Variants in GBF1 observed in about 807,000 individuals in gnomAD.
The protein encoded by GBF1 is golgi brefeldin A resistant guanine nucleotide exchange factor 1, also known as Golgi-specific brefeldin A-resistance guanine nucleotide exchange factor 1.
In GBF1, 114 loss-of-function variants were observed where a neutral mutation model predicts 210.5. The observed-to-expected ratio is 0.54, with a 90% CI of 0.47 to 0.63. GBF1 has a LOEUF of 0.63. GBF1 is among the 30% of genes least tolerant of loss of function. GBF1 has a pLI of 0.00. For missense variants in GBF1, 1,851 were observed against 2,357.7 expected, an observed-to-expected ratio of 0.79 and a Z score of 4.45; for synonymous variants, 850 against 889.2, an observed-to-expected ratio of 0.96 and a Z score of 0.78.
At chr10:102,278,775 G>A (rs2075226240) in intron 3 of GBF1, among the ~76,000 whole-genome samples, 1 of 152,186 alleles carries the variant, frequency 6.6e-6, no homozygotes, top group African/African-American at 2.4e-5. Flanking sequence ...TTCAGGTGGT[G>A]TGTGTCTATC....
At chr10:102,231,681 C>T in the GBF1 span, 9 of 1,612,124 alleles carry the variant, frequency 5.6e-6, no homozygotes, top group South Asian at 1.1e-5. Flanking sequence ...TCGCCTCTAG[C>T]TCCTGTAGCT....
intron 4 of GBF1, among the ~76,000 whole-genome samples, chr10:102,346,908 G>A (rs2058613950): frequency 6.6e-6 from 1 of 152,114 alleles, no homozygotes; most frequent in East Asian, 1.9e-4. Flanking sequence ...ATTTGTAGGA[G>A]TTCTTTGTAT....
rs2059915697 is a variant in GBF1, at chr10:102,366,444, C to T, written c.2371C>T (p.Arg791Cys). 4 of 1,614,034 alleles carry T rather than the reference C, an allele frequency of 2.5e-6. No individual in the cohort carries two copies. Among genetic ancestry groups the T allele is most frequent in the Non-Finnish European group, 3.4e-6 (4 of 1,179,886 alleles). Reference sequence around the variant, plus strand: ...CCTCCGCCTCTACCTGGAAGCCTTCCGTTTGCCTGGGGAAGCACCAGTCAT... The same window carrying T: ...CCTCCGCCTCTACCTGGAAGCCTTCTGTTTGCCTGGGGAAGCACCAGTCAT... Reference protein sequence around the residue: ...EALRLYLEAFRLPGEAPVIQR... With the variant: ...EALRLYLEAFCLPGEAPVIQR... The change falls in exon 19 of 40, where the codon CGT (arginine) becomes TGT (cysteine). Residue 791 changes from arginine to cysteine, a missense_variant. By Grantham distance (180) the Arg-to-Cys change is radical. Transcript: ENST00000369983. This position sits in a 1 kb window ranked among gnomAD's most constrained non-coding sequence, Gnocchi z 4.0.
chr10:102,260,188 C>T (rs763714418), intron 3 of GBF1, 72 bp downstream of exon 3: 2 of 863,696 alleles, frequency 2.3e-6, no homozygotes, highest in Non-Finnish European at 3.9e-6. Flanking sequence ...AAAGGATAGA[C>T]AAACTTTTTG....
intron 3 of GBF1, among the ~76,000 whole-genome samples, chr10:102,314,539 A>G (rs537310661): frequency 1.3e-3 from 205 of 152,230 alleles, no homozygotes; most frequent in African/African-American, 4.8e-3. Context: ...CTACAATTTA[A>G]CTTCCTTAGC....
At chr10:102,303,307 T>A (rs902767134) in intron 3 of GBF1, among the ~76,000 whole-genome samples, 1 of 152,132 alleles carries the variant, frequency 6.6e-6, no homozygotes, top group Non-Finnish European at 1.5e-5. Flanking sequence ...GTATATGATA[T>A]GAGGTAGGGG....
At chr10:102,330,112 A>T (rs2057227111) in intron 3 of GBF1, among the ~76,000 whole-genome samples, 1 of 152,006 alleles carries the variant, frequency 6.6e-6, no homozygotes, top group Non-Finnish European at 1.5e-5. Context: ...CTCCAGCCTG[A>T]GCAACAGAGC....
intron 3 of GBF1, among the ~76,000 whole-genome samples, chr10:102,260,908 C>A (rs1288455721): frequency 6.6e-6 from 1 of 152,108 alleles, no homozygotes; most frequent in Non-Finnish European, 1.5e-5. Flanking sequence ...AATCATTTGT[C>A]CCTTTGTTTG....
intron 3 of GBF1, among the ~76,000 whole-genome samples, chr10:102,293,774 T>TTTTG: frequency 3.7e-5 from 1 of 26,784 alleles, no homozygotes; most frequent in African/African-American, 2.1e-4. Context: ...GTTTTGTGTT[T>TTTTG]TTTTTTTTTT....
At chr10:102,267,100 A>G (rs957656121) in intron 3 of GBF1, among the ~76,000 whole-genome samples, 2 of 152,348 alleles carry the variant, frequency 1.3e-5, no homozygotes, top group Middle Eastern at 3.4e-3. Context: ...TAGAAAAGAA[A>G]CTGTTTGAGA....
intron 17 of GBF1, 149 bp from the exon 18 acceptor site, chr10:102,365,248 T>C (rs1403587688): frequency 3.2e-6 from 2 of 623,506 alleles, no homozygotes; most frequent in Non-Finnish European, 5.7e-6. Context: ...AAGGCCATTA[T>C]GATCTAGCCT....
chr10:102,380,442 C>T (rs894381492), intron 37 of GBF1, 64 bp from the exon 38 acceptor site: 3 of 1,584,958 alleles, frequency 1.9e-6, no homozygotes, highest in Admixed American at 3.3e-5. Flanking sequence ...TGGTAGCTAC[C>T]TCCCTTTACC....
intron 3 of GBF1, among the ~76,000 whole-genome samples, chr10:102,321,840 G>C (rs2056426935): frequency 6.6e-6 from 1 of 152,136 alleles, no homozygotes; most frequent in South Asian, 2.1e-4. Flanking sequence ...AGGATTACAG[G>C]TGTGAGTGAG....
chr10:102,289,680 A>G (rs2076276379), intron 3 of GBF1, among the ~76,000 whole-genome samples: 1 of 152,206 alleles, frequency 6.6e-6, no homozygotes, highest in Non-Finnish European at 1.5e-5. Context: ...CATAACTGGG[A>G]AAATCCTTTG....
chr10:102,356,532 A>G (rs1235685116), intron 8 of GBF1, among the ~76,000 whole-genome samples: 2 of 152,036 alleles, frequency 1.3e-5, no homozygotes, highest in African/African-American at 4.8e-5. Context: ...TTGGGAGGCC[A>G]AGGCGGGCGG....
At chr10:102,260,245 C>G in intron 3 of GBF1, 129 bp downstream of exon 3, 1 of 508,750 alleles carries the variant, frequency 2.0e-6, no homozygotes. Context: ...GGGCCATACA[C>G]AACTGCAACT....
chr10:102,236,462 C>G, the GBF1 span, among the ~76,000 whole-genome samples: 1 of 152,198 alleles, frequency 6.6e-6, no homozygotes. Context: ...CCCAGTCCCA[C>G]TGGTATCAGG....
chr10:102,312,220 G>C (rs973979939), intron 3 of GBF1, among the ~76,000 whole-genome samples: 2 of 151,972 alleles, frequency 1.3e-5, no homozygotes, highest in South Asian at 2.1e-4. Context: ...TTGAACCTCG[G>C]GGGTGGAGGT....
intron 3 of GBF1, among the ~76,000 whole-genome samples, chr10:102,271,754 A>G (rs548366758): frequency 4.6e-5 from 7 of 152,078 alleles, no homozygotes; most frequent in East Asian, 1.9e-4. Flanking sequence ...TATTATCATC[A>G]TTACCATTAT....
Sources: gnomAD v4.1 joint callset for allele counts (sites outside exome capture counted in the v4.1 genomes callset) on GRCh38, gnomAD v4.1.1 for gene constraint, Gnocchi (gnomAD v3.1) non-coding constraint, MANE v1.5 for transcripts, NCBI Gene and HGNC (gene_info 2026-07-23, HGNC 2026-07-21) for gene names.